The following TCF7L2 variants were observed in gnomAD, a reference collection of about 807,000 sequenced individuals.
The protein encoded by TCF7L2 is transcription factor 7-like 2.
In TCF7L2, 23 loss-of-function variants were observed where a neutral mutation model predicts 77.9. That is an observed-to-expected ratio of 0.30 (90% confidence interval 0.21 to 0.42). The LOEUF is 0.42. Ranked by LOEUF, TCF7L2 falls within the 10% of genes least tolerant of loss-of-function variation. The probability of loss-of-function intolerance (pLI) is 1.00; values close to 1 mark genes in which losing one functional copy is unlikely to be tolerated. For missense variants in TCF7L2, 654 were observed against 793.1 expected (o/e 0.82, Z 2.11); for synonymous variants, 413 against 340.2 (o/e 1.21, Z -2.36).
chr10:113,111,457 A>G (rs1236224587), intron 5 of TCF7L2, among the ~76,000 whole-genome samples: 3 of 152,192 alleles, frequency 2.0e-5, no homozygotes, highest in Non-Finnish European at 4.4e-5. Flanking sequence ...GTGTTTATGG[A>G]AACAGCAGCA....
intron 5 of TCF7L2, among the ~76,000 whole-genome samples, chr10:113,134,622 C>G (rs895359575): frequency 3.9e-5 from 6 of 152,226 alleles, no homozygotes; most frequent in African/African-American, 1.4e-4. Flanking sequence ...CTTACCACAT[C>G]TTCAGTGATG....
At chr10:113,026,987 A>G (rs1378784232) in intron 4 of TCF7L2, among the ~76,000 whole-genome samples, 1 of 152,192 alleles carries the variant, frequency 6.6e-6, no homozygotes, top group Non-Finnish European at 1.5e-5. Context: ...TAAAGACTAA[A>G]ACCACAAAAG....
At chr10:113,130,569 T>G (rs1469305906) in intron 5 of TCF7L2, among the ~76,000 whole-genome samples, 1 of 152,166 alleles carries the variant, frequency 6.6e-6, no homozygotes, top group African/African-American at 2.4e-5. Context: ...TTTTTAGGGC[T>G]ATGGTCTTGC....
At chr10:113,071,879 CAG>C (rs1487789716) in intron 5 of TCF7L2, among the ~76,000 whole-genome samples, 1 of 152,200 alleles carries the variant, frequency 6.6e-6, no homozygotes, top group Non-Finnish European at 1.5e-5. Flanking sequence ...TCCTCCAGGT[CAG>C]GGGCTGGCTG....
In TCF7L2 at chr10:112,993,915, C is replaced by T. The variant is rs188741879; in HGVS notation, c.450+29291C>T. The stretch of plus-strand genomic sequence containing the variant: ...ACTAAAAATACAAAAATTAGCTGGG[C>T]GTGGTGGCGCATGCCTGTAGACCCA... On this transcript the variant is annotated intron_variant, in intron 4 of 13. Transcript: ENST00000627217. Among the ~76,000 whole-genome samples, 287 of 152,084 alleles carry T rather than the reference C, an allele frequency of 1.9e-3. 1 individual carries two copies. Among genetic ancestry groups the T allele is most frequent in the African/African-American group, 5.7e-3 (237 of 41,496 alleles).
At chr10:113,008,673 T>A (rs1240630469) in intron 4 of TCF7L2, among the ~76,000 whole-genome samples, 1 of 152,236 alleles carries the variant, frequency 6.6e-6, no homozygotes, top group African/African-American at 2.4e-5. Context: ...ATTTATTTTT[T>A]AATACACATT....
intron 3 of TCF7L2, 41 bp downstream of exon 3, chr10:112,951,648 G>A (rs1192028242): frequency 7.0e-6 from 6 of 853,314 alleles, no homozygotes; most frequent in Non-Finnish European, 7.9e-6. Flanking sequence ...CTGCCCGCCC[G>A]CCCGCGCCGC....
intron 4 of TCF7L2, among the ~76,000 whole-genome samples, chr10:113,001,772 G>A (rs563603855): frequency 1.4e-4 from 21 of 152,186 alleles, no homozygotes; most frequent in Non-Finnish European, 2.9e-4. Flanking sequence ...AGTGTTGAGT[G>A]ATGATTAAAC....
chr10:113,162,282 C>G (rs1271522513), intron 13 of TCF7L2, among the ~76,000 whole-genome samples: 1 of 152,110 alleles, frequency 6.6e-6, no homozygotes, highest in Non-Finnish European at 1.5e-5. Context: ...CACAATAAGG[C>G]CGGTTCAGGT....
At chr10:112,957,080 C>T (rs1168644193) in intron 3 of TCF7L2, among the ~76,000 whole-genome samples, 2 of 151,968 alleles carry the variant, frequency 1.3e-5, no homozygotes, top group African/African-American at 4.8e-5. Context: ...GGGCTCTGCA[C>T]AGATGCCTTT....
chr10:113,008,038 T>C (rs1477448707), intron 4 of TCF7L2, among the ~76,000 whole-genome samples: 2 of 152,234 alleles, frequency 1.3e-5, no homozygotes, highest in Non-Finnish European at 2.9e-5. Flanking sequence ...GGCTGAGGGC[T>C]GAGATGAGAA....
intron 4 of TCF7L2, among the ~76,000 whole-genome samples, chr10:112,977,936 T>C (rs2039741365): frequency 6.6e-6 from 1 of 151,668 alleles, no homozygotes; most frequent in African/African-American, 2.4e-5. Context: ...AGGAGAGGAG[T>C]TGTTTTTCCT....
chr10:113,073,129 T>TGTGTGTGTGTGAGAGAGAGAGA (rs56927661), intron 5 of TCF7L2, among the ~76,000 whole-genome samples: 1 of 123,484 alleles, frequency 8.1e-6, no homozygotes, highest in Non-Finnish European at 1.7e-5. Context: ...TGTGTGTGTG[T>TGTGTGTGTGTGAGAGAGAGAGA]GAGAGAGAGA....
At chr10:113,092,764 T>A (rs191110784) in intron 5 of TCF7L2, among the ~76,000 whole-genome samples, 24 of 152,308 alleles carry the variant, frequency 1.6e-4, no homozygotes, top group Admixed American at 3.3e-4. Context: ...CTTGGGAGGC[T>A]GAGGCAGGAG....
At chr10:113,103,656 T>C (rs1387902781) in intron 5 of TCF7L2, among the ~76,000 whole-genome samples, 1 of 152,160 alleles carries the variant, frequency 6.6e-6, no homozygotes, top group African/African-American at 2.4e-5. Flanking sequence ...GGGGTTACAA[T>C]GCGTGAGATG....
intron 4 of TCF7L2, among the ~76,000 whole-genome samples, chr10:113,039,754 C>T (rs2052092625): frequency 6.6e-6 from 1 of 151,404 alleles, no homozygotes. Context: ...GTAATGAAAT[C>T]ATTTTTTCTG....
chr10:113,053,517 C>G (rs746956939), intron 5 of TCF7L2, among the ~76,000 whole-genome samples: 3 of 152,158 alleles, frequency 2.0e-5, no homozygotes, highest in Non-Finnish European at 4.4e-5. Flanking sequence ...GCCTCAGTTA[C>G]TACAAAGTCT....
At position 113,025,880 on chromosome 10, in the gene TCF7L2, AT is replaced by A. The variant is rs369613114; in HGVS notation, c.451-14129del. On this transcript the variant is annotated intron_variant, in intron 4 of 13. Coordinates refer to ENST00000627217, the MANE Select transcript of TCF7L2 (RefSeq NM_001146274.2). Reference sequence around the variant, plus strand: ...TCAGAATTAGTGAGGTTTTAAGTTAATTTTTTTTTTTTTTTTAGATAGAGTC... The same window carrying A: ...TCAGAATTAGTGAGGTTTTAAGTTAATTTTTTTTTTTTTTTAGATAGAGTC... Among the ~76,000 whole-genome samples, 1,006 of 143,344 alleles carry A rather than the reference AT, an allele frequency of 7.0e-3. 5 individuals carry two copies. Among genetic ancestry groups the A allele is most frequent in the African/African-American group, 0.018 (709 of 38,832 alleles). The allele number at this position is 143,344 out of a possible 152,430, so 94.0% of individuals were successfully genotyped here.
intron 8 of TCF7L2, among the ~76,000 whole-genome samples, chr10:113,150,735 G>A (rs1335663773): frequency 1.3e-5 from 2 of 152,156 alleles, no homozygotes; most frequent in Non-Finnish European, 2.9e-5. Context: ...GCCCAAGTAC[G>A]TCAGTTGAAT....
Sources: gnomAD v4.1 joint callset for allele counts (sites outside exome capture counted in the v4.1 genomes callset) on GRCh38, gnomAD v4.1.1 for gene constraint, MANE v1.5 for transcripts, NCBI Gene and HGNC (gene_info 2026-07-23, HGNC 2026-07-21) for gene names.